Variants in KIAA1549L observed in about 807,000 individuals in gnomAD.
KIAA1549L encodes KIAA1549 like, also known as UPF0606 protein KIAA1549L.
Under a neutral mutation model 160.7 loss-of-function variants are expected in KIAA1549L, and 88 were observed. That is an observed-to-expected ratio of 0.55 (90% CI 0.46 to 0.65). KIAA1549L has a LOEUF of 0.65. Among genes scored for constraint, KIAA1549L ranks in the 30% least tolerant of loss-of-function variants. The pLI is 0.00. For synonymous variants in KIAA1549L, 950 were observed against 976.7 expected, an observed-to-expected ratio of 0.97 and a Z score of 0.51; for missense variants, 2,258 against 2,437.5, an observed-to-expected ratio of 0.93 and a Z score of 1.55.
intron 12 of KIAA1549L, among the ~76,000 whole-genome samples, chr11:33,593,352 T>G (rs977852228): frequency 1.3e-5 from 2 of 152,194 alleles, no homozygotes; most frequent in Non-Finnish European, 2.9e-5. Context: ...GGTGAGAGCA[T>G]GGCTTGAGCA....
chr11:33,406,542 A>G (rs978073266), intron 1 of KIAA1549L, among the ~76,000 whole-genome samples: 3 of 152,184 alleles, frequency 2.0e-5, no homozygotes, highest in African/African-American at 4.8e-5. Flanking sequence ...CTGGAACTCA[A>G]ACTACCCCCT....
At chr11:33,513,401 A>G (rs1853270111) in intron 1 of KIAA1549L, among the ~76,000 whole-genome samples, 1 of 152,194 alleles carries the variant, frequency 6.6e-6, no homozygotes, top group Non-Finnish European at 1.5e-5. Context: ...TAGCTGAATC[A>G]GAGTACATCG....
At chr11:33,627,432 A>G (rs1350596822) in intron 16 of KIAA1549L, among the ~76,000 whole-genome samples, 5 of 152,008 alleles carry the variant, frequency 3.3e-5, no homozygotes, top group African/African-American at 1.2e-4. Flanking sequence ...CCTCAATTCC[A>G]GCTCCTGTTA....
intron 1 of KIAA1549L, among the ~76,000 whole-genome samples, chr11:33,487,217 C>T (rs777351834): frequency 1.3e-5 from 2 of 151,956 alleles, no homozygotes; most frequent in Non-Finnish European, 2.9e-5. Flanking sequence ...GATTATTAAC[C>T]ATCTCTTTTT....
chr11:33,530,512 GT>G (rs939293445), intron 1 of KIAA1549L, among the ~76,000 whole-genome samples: 1 of 127,910 alleles, frequency 7.8e-6, no homozygotes, highest in African/African-American at 2.9e-5. Flanking sequence ...CACTGTCCTA[GT>G]TTTAAAAGTC....
Position 33,544,858 on chromosome 11 carries a change from C to T in KIAA1549L, c.2865C>T (p.Ala955=). The T allele has an allele frequency of 6.2e-7, 1 of 1,613,606 alleles. No homozygotes were observed. The change falls in exon 3 of 21, where the codon GCC becomes GCT. Residue 955 remains alanine, a synonymous_variant. Coordinates refer to ENST00000658780, the MANE Select transcript of KIAA1549L (RefSeq NM_012194.3). The stretch of plus-strand genomic sequence containing the variant: ...CAAGTCCACCTGCACTGTCTGCAGC[C>T]CTGGTTGCTAAGGGCACCAGCAGCA... ...RKSSPPALSA[A]LVAKGTSSSP...
At chr11:33,584,839 A>G (rs1855759055) in intron 11 of KIAA1549L, among the ~76,000 whole-genome samples, 1 of 152,168 alleles carries the variant, frequency 6.6e-6, no homozygotes, top group African/African-American at 2.4e-5. Context: ...TGGCAGGTAG[A>G]ATCCTCTTCC....
intron 1 of KIAA1549L, among the ~76,000 whole-genome samples, chr11:33,537,997 G>C (rs1368964621): frequency 6.6e-6 from 1 of 152,172 alleles, no homozygotes; most frequent in Non-Finnish European, 1.5e-5. Flanking sequence ...ACCCGAGACT[G>C]GGTAATTTAT....
intron 1 of KIAA1549L, among the ~76,000 whole-genome samples, chr11:33,446,187 C>A (rs1317259267): frequency 2.0e-5 from 3 of 151,812 alleles, no homozygotes; most frequent in Non-Finnish European, 4.4e-5. Context: ...CTCCGCCTCC[C>A]AGGCTCAAGC....
chr11:33,442,710 A>T (rs896495251), intron 1 of KIAA1549L, among the ~76,000 whole-genome samples: 2 of 152,164 alleles, frequency 1.3e-5, no homozygotes, highest in African/African-American at 4.8e-5. Flanking sequence ...TCATGCCTTA[A>T]TACTTAAAAA....
At chr11:33,602,150 C>T (rs1437187891) in intron 13 of KIAA1549L, among the ~76,000 whole-genome samples, 2 of 152,176 alleles carry the variant, frequency 1.3e-5, no homozygotes, top group African/African-American at 4.8e-5. Flanking sequence ...TCCTTTATGT[C>T]ACTGAGAGAA....
chr11:33,510,152 C>A (rs1469322531), intron 1 of KIAA1549L, among the ~76,000 whole-genome samples: 1 of 151,856 alleles, frequency 6.6e-6, no homozygotes, highest in Non-Finnish European at 1.5e-5. Context: ...TCTCTCATGT[C>A]TCTCTCTCTT....
At chr11:33,561,763 C>T (rs1276475760) in intron 8 of KIAA1549L, 28 bp downstream of exon 8, 5 of 1,459,394 alleles carry the variant, frequency 3.4e-6, no homozygotes, top group Non-Finnish European at 3.8e-6. Flanking sequence ...AATTTCCCCT[C>T]TTCATGCTGT....
rs186713484 is a variant in KIAA1549L at position 33,572,296 on chromosome 11, G to T, written c.4231-2406G>T. On this transcript the variant is annotated intron_variant, in intron 9 of 20. Transcript: ENST00000658780. Reference sequence around the variant, plus strand: ...AAGTGATCTACCCACCTTGGCCTCTGAAAGTGCTGGGATTACAGACATGAG... The same window carrying T: ...AAGTGATCTACCCACCTTGGCCTCTTAAAGTGCTGGGATTACAGACATGAG... Among the ~76,000 whole-genome samples the T allele has an allele frequency of 5.8e-4, 88 of 152,176 alleles. 1 individual carries two copies. Among genetic ancestry groups the T allele is most frequent in the Admixed American group, 5.6e-3 (85 of 15,282 alleles).
intron 1 of KIAA1549L, among the ~76,000 whole-genome samples, chr11:33,517,904 G>A (rs939596364): frequency 1.3e-5 from 2 of 151,972 alleles, no homozygotes; most frequent in African/African-American, 4.8e-5. Flanking sequence ...CACTTTGGGA[G>A]GCTGAAGTCG....
At chr11:33,530,475 ATATATATATG>A (rs1853743130) in intron 1 of KIAA1549L, among the ~76,000 whole-genome samples, 2 of 114,470 alleles carry the variant, frequency 1.7e-5, no homozygotes, top group Non-Finnish European at 3.6e-5. Flanking sequence ...ATATATATAT[ATATATATATG>A]CAAGATTTGC....
chr11:33,510,136 A>ACT (rs1216130092), intron 1 of KIAA1549L, among the ~76,000 whole-genome samples: 2 of 150,802 alleles, frequency 1.3e-5, no homozygotes, highest in South Asian at 4.2e-4. Context: ...AGGATCTCTC[A>ACT]CTCTCTCTCT....
At chr11:33,478,786 G>T (rs936998487) in intron 1 of KIAA1549L, among the ~76,000 whole-genome samples, 1 of 152,116 alleles carries the variant, frequency 6.6e-6, no homozygotes, top group African/African-American at 2.4e-5. Context: ...GGCCAGGCTG[G>T]AGCGCAGTGG....
intron 1 of KIAA1549L, among the ~76,000 whole-genome samples, chr11:33,436,136 T>C (rs997797589): frequency 1.4e-4 from 22 of 152,132 alleles, no homozygotes; most frequent in African/African-American, 4.3e-4. Flanking sequence ...CCACTTTATA[T>C]CTCAGGGACA....
Sources: allele counts gnomAD v4.1 joint callset (sites outside exome capture counted in the v4.1 genomes callset), GRCh38; gene constraint gnomAD v4.1.1; transcripts MANE v1.5; gene names NCBI Gene and HGNC (gene_info 2026-07-23, HGNC 2026-07-21).